The following FCSK variants were observed in gnomAD, a reference collection of about 807,000 sequenced individuals.
FCSK encodes the protein L-fucose kinase.
A neutral mutation model predicts 122.5 loss-of-function variants in FCSK; 123 were observed. The ratio of observed to expected loss-of-function variants is 1.00; its 90% CI spans 0.87 to 1.17. The LOEUF is 1.17. FCSK is among the 50% of genes most tolerant of loss of function. FCSK has a pLI of 0.00. For missense variants in FCSK, 1,366 were observed against 1,450.4 expected (o/e 0.94, Z 0.95); for synonymous variants, 620 against 625.5 (o/e 0.99, Z 0.13).
intron 1 of FCSK, among the ~76,000 whole-genome samples, chr16:70,459,345 T>C (rs1172040439): frequency 1.3e-5 from 2 of 152,056 alleles, no homozygotes; most frequent in Non-Finnish European, 2.9e-5. Flanking sequence ...GAGACCAGCC[T>C]GGCCAACATG....
intron 22 of FCSK, 40 bp downstream of exon 22, chr16:70,478,690 G>A (rs200447729): frequency 2.3e-4 from 359 of 1,546,670 alleles, no homozygotes; most frequent in Non-Finnish European, 3.0e-4. Flanking sequence ...CACTGGGAGC[G>A]AGTATTCTGT....
At chr16:70,467,712 G>A in intron 7 of FCSK, 174 bp from the exon 8 acceptor site, 2 of 653,524 alleles carry the variant, frequency 3.1e-6, no homozygotes, top group Non-Finnish European at 5.4e-6. Flanking sequence ...TTTAAAGCCT[G>A]CCCTCTGCCA....
At chr16:70,475,326 T>C in intron 18 of FCSK, 24 bp from the exon 19 acceptor site, 1 of 1,607,048 alleles carries the variant, frequency 6.2e-7, no homozygotes. Flanking sequence ...ACTGAATTCC[T>C]TTCTCATGCC....
intron 19 of FCSK, 54 bp downstream of exon 19, chr16:70,475,547 G>A (rs1597636888): frequency 1.3e-6 from 2 of 1,591,706 alleles, no homozygotes; most frequent in African/African-American, 2.7e-5. Context: ...CTCCAGCCTT[G>A]CCTGTGATCC....
At position 70,455,972 on chromosome 16, in the gene FCSK, C is replaced by T. The variant is rs1340045373; in HGVS notation, c.-23+1342C>T. 2.0e-5 allele frequency among the ~76,000 whole-genome samples: 3 copies of T among 151,626 alleles called. No homozygotes were observed. In the East Asian group the frequency reaches 5.8e-4, roughly 29 times the overall value. On this transcript the variant is annotated intron_variant, in intron 1 of 23. Coordinates refer to ENST00000288078, the MANE Select transcript of FCSK (RefSeq NM_145059.3). ...CCAAGGCGGGAGGATTACTTGAGTC[C>T]GGGAGTTGTAGGTCAGCCTGGGCAA...
intron 10 of FCSK, 97 bp downstream of exon 10, chr16:70,469,420 G>GT: frequency 4.1e-6 from 5 of 1,212,400 alleles, no homozygotes; most frequent in Non-Finnish European, 5.7e-6. Flanking sequence ...AGGCAGCCCA[G>GT]CACAGGGACT....
At position 70,479,034 on chromosome 16, in the gene FCSK, G is replaced by T. The variant is rs1198183948; in HGVS notation, c.2930-146G>T. The T allele has an allele frequency of 1.8e-4, 124 of 674,294 alleles. 3 individuals are homozygous for T. In the South Asian group the frequency reaches 2.2e-3, roughly 12 times the overall value. The allele number at this position is 674,294 out of a possible 1,614,324, so 41.8% of individuals were successfully genotyped here. ...GGTCCTCAGGCAGTCCTGGGAAGTG[G>T]GTTACTCCTGGCTCCAGCCGGCACT... On this transcript the variant is annotated intron_variant, in intron 22 of 23. Coordinates refer to ENST00000288078, the MANE Select transcript of FCSK (RefSeq NM_145059.3).
At chr16:70,472,494 C>G (rs1226255445) in intron 13 of FCSK, 47 bp from the exon 14 acceptor site, 1 of 1,522,848 alleles carries the variant, frequency 6.6e-7, no homozygotes, top group African/African-American at 1.4e-5. Context: ...GTCTCTAACC[C>G]TTTCCTGTGG....
In FCSK at chr16:70,471,318, C is replaced by T; in HGVS notation, c.1307C>T (p.Ala436Val). 1 of 1,597,836 alleles carries T rather than the reference C, an allele frequency of 6.3e-7. No individual in the cohort carries two copies. Reference sequence around the variant, plus strand: ...CGGCTACACGGCTCCCCGGGCCACGCCTTCACCCTCGTTGGCCGTCTGGAC... The same window carrying T: ...CGGCTACACGGCTCCCCGGGCCACGTCTTCACCCTCGTTGGCCGTCTGGAC... ...HTRLHGSPGHAFTLVGRLDSW... is the reference protein window; with the variant it reads ...HTRLHGSPGHVFTLVGRLDSW... The change falls in exon 13 of 24, where the codon GCC becomes GTC. Residue 436 changes from alanine (A) to valine (V), a missense_variant. Transcript: ENST00000288078.
At chr16:70,463,796 C>G in intron 3 of FCSK, 22 bp downstream of exon 3, 1 of 1,588,844 alleles carries the variant, frequency 6.3e-7, no homozygotes, top group African/African-American at 1.3e-5. Flanking sequence ...CCAGGGCCAC[C>G]TCCCTGGTCT....
Position 70,478,618 on chromosome 16 carries a change from A to G in FCSK, c.2897A>G (p.Gln966Arg), listed in dbSNP as rs777023613. Reference sequence around the variant, plus strand: ...CAGAATGCCCACAGCCTGGTACGGCAAACTGAGGAGTGTGCTGAAGGCTTC... The same window carrying G: ...CAGAATGCCCACAGCCTGGTACGGCGAACTGAGGAGTGTGCTGAAGGCTTC... The part of the protein sequence containing the change: ...VVQNAHSLVR[Q>R]TEECAEGFRQ... Residue 966 changes from glutamine to arginine, a missense_variant, in exon 22 of 24, where the codon CAA becomes CGA. Coordinates refer to ENST00000288078, the MANE Select transcript of FCSK (RefSeq NM_145059.3). 6.2e-7 allele frequency: 1 copy of G among 1,613,772 alleles called. No homozygotes were observed. The highest frequency in any genetic ancestry group is 8.5e-7 in the Non-Finnish European group (1 of 1,180,032).
At chr16:70,462,186 C>G (rs1324007210) in intron 1 of FCSK, 1 of 152,174 alleles carries the variant, frequency 6.6e-6, no homozygotes, top group Non-Finnish European at 1.5e-5. Flanking sequence ...CTTGCTGTGT[C>G]AGCCAGGCTG....
At chr16:70,472,821 G>T (rs894399409) in intron 14 of FCSK, among the ~76,000 whole-genome samples, 162 bp from the exon 15 acceptor site, 25 of 152,134 alleles carry the variant, frequency 1.6e-4, no homozygotes, top group Non-Finnish European at 3.2e-4. Context: ...TCAATGGTCT[G>T]GGAAAGGATG....
rs1482202190 is a variant in FCSK, at chr16:70,455,502, AAC to A, written c.-23+873_-23+874del. ...TACGTCTCAAAAACAAAACAAAACA[AAC>A]CAACAACAACAACAACAAAAGAACC... On this transcript the variant is annotated intron_variant, in intron 1 of 23. Coordinates refer to ENST00000288078, the MANE Select transcript of FCSK (RefSeq NM_145059.3). 4.3e-4 allele frequency among the ~76,000 whole-genome samples: 51 copies of A among 117,818 alleles called. No individual in the cohort carries two copies. In the South Asian group the frequency reaches 7.9e-3, roughly 18 times the overall value. The allele number at this position is 117,818 out of a possible 152,430, so 77.3% of individuals were successfully genotyped here.
chr16:70,469,231 A>T lies in FCSK; in HGVS notation c.863A>T (p.Glu288Val). ...GACTTCCTGGTGGGGAGGCCCCCAG[A>T]GTTGGGGCAAGGCGATGCAGATGTA... ...REDFLVGRPP[E>V]LGQGDADVAG... Residue 288 changes from glutamate (E) to valine (V), a missense_variant, in exon 10 of 24, where the codon GAG (glutamate) becomes GTG (valine). Transcript: ENST00000288078. The T allele has an allele frequency of 6.2e-7, 1 of 1,614,034 alleles. No homozygotes were observed. Among genetic ancestry groups the T allele is most frequent in the Non-Finnish European group, 8.5e-7 (1 of 1,180,000 alleles).
Position 70,478,167 on chromosome 16 carries a change from T to C in FCSK, c.2642-105T>C, listed in dbSNP as rs2048873139. On this transcript the variant is annotated intron_variant, in intron 20 of 23. Transcript: ENST00000288078. ...TGTCCTGTGGAGTTGAGGGAAGCTATCTTTCCACACTGGTCCCAGCAAGGG... is the reference window on the plus strand; with the variant it reads ...TGTCCTGTGGAGTTGAGGGAAGCTACCTTTCCACACTGGTCCCAGCAAGGG... 1.2e-5 allele frequency: 14 copies of C among 1,139,486 alleles called. No individual in the cohort carries two copies. In the Admixed American group the frequency reaches 1.8e-4, roughly 15 times the overall value. The allele number at this position is 1,139,486 out of a possible 1,614,324, so 70.6% of individuals were successfully genotyped here. A position where few individuals can be genotyped will look rare whatever the true frequency, so the allele number is the denominator to read the frequency against.
Position 70,463,232 on chromosome 16 carries a change from G to T in FCSK, c.42G>T (p.Leu14=). ...GAGTTGATTGGACAGTCATCATCCT[G>T]ACCTGCCAGTACAAGGACAGTGTCC... ...PKGVDWTVII[L]TCQYKDSVQV... The change falls in exon 2 of 24, where the codon CTG becomes CTT. Residue 14 remains leucine (L), a synonymous_variant. Transcript: ENST00000288078. The T allele has an allele frequency of 6.2e-7, 1 of 1,614,010 alleles. No homozygotes were observed. Among genetic ancestry groups the T allele is most frequent in the South Asian group, 1.1e-5 (1 of 91,066 alleles).
rs370093497 is a variant in FCSK, at chr16:70,466,876, C to T, written c.412-6C>T. 205 of 1,612,424 alleles carry T rather than the reference C, an allele frequency of 1.3e-4. No individual in the cohort carries two copies. The highest frequency in any genetic ancestry group is 1.7e-4 in the Non-Finnish European group (200 of 1,179,392). ...CCAGCTGTGTTCTGTCTCCTTCCCC[C>T]CACAGCTGGGCCCGGGCTCCCCGCC... On this transcript the variant is annotated splice_region_variant and splice_polypyrimidine_tract_variant and intron_variant, in intron 5 of 23. Coordinates refer to ENST00000288078, the MANE Select transcript of FCSK (RefSeq NM_145059.3).
intron 1 of FCSK, 48 bp downstream of exon 1, chr16:70,454,678 GC>G (rs564970869): frequency 6.6e-6 from 1 of 152,190 alleles, no homozygotes; most frequent in African/African-American, 2.4e-5. Flanking sequence ...CGCCCCTTGC[GC>G]CCCTTGCGCC....
Sources: gnomAD v4.1 joint callset for allele counts (sites outside exome capture counted in the v4.1 genomes callset) on GRCh38, gnomAD v4.1.1 for gene constraint, MANE v1.5 for transcripts, NCBI Gene and HGNC (gene_info 2026-07-23, HGNC 2026-07-21) for gene names.